The following FCER1A variants were observed in gnomAD, a reference collection of about 807,000 sequenced individuals.
The protein encoded by FCER1A is Fc epsilon receptor Ia, also known as high affinity immunoglobulin epsilon receptor subunit alpha.
In FCER1A, 24 loss-of-function variants were observed where a neutral mutation model predicts 23.6. The observed-to-expected ratio is 1.02, with a 90% CI of 0.74 to 1.43. FCER1A has a LOEUF of 1.43. Ranked by LOEUF, FCER1A falls within the 40% of genes most tolerant of loss-of-function variation. The probability of loss-of-function intolerance (pLI) is 0.00; values close to 1 mark genes in which losing one functional copy is unlikely to be tolerated. For missense variants in FCER1A, 318 were observed against 294.5 expected, an observed-to-expected ratio of 1.08 and a Z score of -0.58; for synonymous variants, 121 against 108.8, an observed-to-expected ratio of 1.11 and a Z score of -0.70.
chr1:159,287,076 T>G (rs1359534379), upstream of FCER1A, among the ~76,000 whole-genome samples: 1 of 152,176 alleles, frequency 6.6e-6, no homozygotes, highest in Admixed American at 6.5e-5. Flanking sequence ...TTCATTTCCC[T>G]CCATGCTGGC....
At position 159,307,880 on chromosome 1, in the gene FCER1A, A is replaced by G; in HGVS notation, c.722A>G (p.Lys241Arg). Residue 241 changes from lysine to arginine, a missense_variant, in exon 5 of 5, where the codon AAA becomes AGA. Transcript: ENST00000693622. ...TFLLKIKRTR[K>R]GFRLLNPHPK... ...CTCTTGAAGATTAAGAGAACCAGGA[A>G]AGGCTTCAGACTTCTGAACCCACAT... 6.2e-7 allele frequency: 1 copy of G among 1,613,628 alleles called. No homozygotes were observed. Among genetic ancestry groups the G allele is most frequent in the Non-Finnish European group, 8.5e-7 (1 of 1,179,630 alleles).
chr1:159,289,278 T>A (rs1346966662), upstream of FCER1A, among the ~76,000 whole-genome samples: 1 of 152,192 alleles, frequency 6.6e-6, no homozygotes, highest in Non-Finnish European at 1.5e-5. Flanking sequence ...GAAGGACTCA[T>A]CAACTAGCCA....
rs949076384 is a variant in FCER1A at position 159,302,949 on chromosome 1, C to A, written c.76+75C>A. The A allele has an allele frequency of 4.5e-6, 6 of 1,347,428 alleles. No homozygotes were observed. The South Asian group carries it at 5.8e-5, about 13-fold the overall frequency. 83.5% of individuals were successfully genotyped at this position (1,347,428 alleles called of 1,614,324 possible). On this transcript the variant is annotated intron_variant, in intron 2 of 4. Transcript: ENST00000693622. ...GCTTTCCTCTCACTATTTTCTTCGTCCCATCACTTCTGCTTTCTAATGAGC... is the reference window on the plus strand; with the variant it reads ...GCTTTCCTCTCACTATTTTCTTCGTACCATCACTTCTGCTTTCTAATGAGC...
intron 1 of FCER1A, among the ~76,000 whole-genome samples, chr1:159,293,230 G>A (rs911566873): frequency 4.7e-5 from 7 of 149,838 alleles, no homozygotes; most frequent in Admixed American, 2.7e-4. Context: ...CACACAGTCC[G>A]GTGGCTCTTT....
In FCER1A at chr1:159,303,996, C is replaced by A; in HGVS notation, c.145C>A (p.Leu49Ile). 6.2e-7 allele frequency: 1 copy of A among 1,613,276 alleles called. No individual in the cohort carries two copies. The highest frequency in any genetic ancestry group is 2.2e-5 in the East Asian group (1 of 44,868). The change falls in exon 3 of 5, where the codon CTT becomes ATT. Residue 49 changes from leucine to isoleucine, a missense_variant. By Grantham distance (5) the Leu-to-Ile change is conservative. Coordinates refer to ENST00000693622, the MANE Select transcript of FCER1A (RefSeq NM_001387280.1). Reference sequence around the variant, plus strand: ...AATATTTAAAGGAGAGAATGTGACTCTTACATGTAATGGGAACAATTTCTT... The same window carrying A: ...AATATTTAAAGGAGAGAATGTGACTATTACATGTAATGGGAACAATTTCTT... ...NRIFKGENVT[L>I]TCNGNNFFEV...
intron 1 of FCER1A, among the ~76,000 whole-genome samples, chr1:159,293,578 G>A (rs1245474614): frequency 2.5e-4 from 30 of 119,436 alleles, no homozygotes; most frequent in Non-Finnish European, 4.5e-4. Context: ...AGAGTGTGAT[G>A]TTCCCCTTCC....
At chr1:159,298,386 C>T (rs1329140734), upstream of FCER1A, among the ~76,000 whole-genome samples, 1 of 152,132 alleles carries the variant, frequency 6.6e-6, no homozygotes, top group African/African-American at 2.4e-5. Flanking sequence ...GGTGCCTTCC[C>T]CATGGTAATG....
At chr1:159,306,759 G>A (rs1295695451) in intron 4 of FCER1A, among the ~76,000 whole-genome samples, 4 of 152,086 alleles carry the variant, frequency 2.6e-5, no homozygotes, top group Non-Finnish European at 5.9e-5. Flanking sequence ...TATGGAGAGG[G>A]TAGGGAGGTG....
chr1:159,287,681 T>G (rs1281683918), upstream of FCER1A, among the ~76,000 whole-genome samples: 1 of 148,426 alleles, frequency 6.7e-6, no homozygotes, highest in African/African-American at 2.4e-5. Flanking sequence ...GTTATATATA[T>G]TATTTCATAT....
chr1:159,308,091 G>A lies in FCER1A; in HGVS notation c.*159G>A, dbSNP rs1652672392. Reference sequence around the variant, plus strand: ...CTGAGTGAAACTGGTTAAGTGGCATGTAATAGTAAGTGCTCAATTAACATT... The same window carrying A: ...CTGAGTGAAACTGGTTAAGTGGCATATAATAGTAAGTGCTCAATTAACATT... On this transcript the variant is annotated 3_prime_UTR_variant, in exon 5 of 5. Transcript: ENST00000693622. 4.0e-6 allele frequency: 2 copies of A among 497,996 alleles called. No homozygotes were observed. The highest frequency in any genetic ancestry group is 7.1e-6 in the Non-Finnish European group (2 of 280,938). The allele number at this position is 497,996 out of a possible 1,614,324, so 30.8% of individuals were successfully genotyped here. A position where few individuals can be genotyped will look rare whatever the true frequency, so the allele number is the denominator to read the frequency against.
upstream of FCER1A, among the ~76,000 whole-genome samples, chr1:159,286,115 G>C (rs1003373334): frequency 6.6e-6 from 1 of 151,400 alleles, no homozygotes; most frequent in African/African-American, 2.4e-5. Flanking sequence ...GCTTGAACCC[G>C]GGAGGCAGAG....
chr1:159,292,096 G>A (rs1199275352), intron 1 of FCER1A, among the ~76,000 whole-genome samples: 2 of 151,998 alleles, frequency 1.3e-5, no homozygotes, highest in Admixed American at 6.6e-5. Flanking sequence ...CTAGAGTTCT[G>A]CTCTGAGACT....
At chr1:159,299,969 CT>C (rs1652390421), upstream of FCER1A, among the ~76,000 whole-genome samples, 1 of 84,978 alleles carries the variant, frequency 1.2e-5, no homozygotes, top group Non-Finnish European at 2.3e-5. Flanking sequence ...TAATGGTTTG[CT>C]TTTTTGGGGT....
chr1:159,293,168 C>CTG (rs10632832), intron 1 of FCER1A, among the ~76,000 whole-genome samples: 23,336 of 145,752 alleles, frequency 0.16, 2,278 homozygotes, highest in East Asian at 0.41. Flanking sequence ...TACATACACA[C>CTG]TGTGTGTGTG....
upstream of FCER1A, among the ~76,000 whole-genome samples, chr1:159,286,536 G>A (rs1469465613): frequency 1.3e-5 from 2 of 152,062 alleles, no homozygotes; most frequent in African/African-American, 4.8e-5. Flanking sequence ...GTTTCACCAT[G>A]TTAGCCAGGA....
intron 3 of FCER1A, among the ~76,000 whole-genome samples, chr1:159,305,289 A>G (rs1371913109): frequency 6.6e-6 from 1 of 152,222 alleles, no homozygotes; most frequent in Non-Finnish European, 1.5e-5. Context: ...TTCTCCTTTA[A>G]TGAATGCTTT....
chr1:159,288,461 C>T (rs960545663), upstream of FCER1A, among the ~76,000 whole-genome samples: 2 of 122,438 alleles, frequency 1.6e-5, no homozygotes, highest in African/African-American at 1.4e-4. Context: ...ACACTACTAT[C>T]TCCTGGTGTT....
upstream of FCER1A, among the ~76,000 whole-genome samples, chr1:159,297,904 T>A (rs1002584430): frequency 6.6e-6 from 1 of 152,082 alleles, no homozygotes; most frequent in African/African-American, 2.4e-5. Flanking sequence ...GAAGGAAAAC[T>A]TTTTTATACT....
chr1:159,303,864 C>T, intron 2 of FCER1A, 64 bp from the exon 3 acceptor site: 2 of 1,307,770 alleles, frequency 1.5e-6, no homozygotes, highest in South Asian at 2.7e-5. Flanking sequence ...ACTTTTAAGC[C>T]TAGACAGTTT....
Sources: gnomAD v4.1 joint callset for allele counts (sites outside exome capture counted in the v4.1 genomes callset) on GRCh38, gnomAD v4.1.1 for gene constraint, MANE v1.5 for transcripts, NCBI Gene and HGNC (gene_info 2026-07-23, HGNC 2026-07-21) for gene names.